Variants in CNTNAP2 observed in about 807,000 individuals in gnomAD.
CNTNAP2 encodes contactin-associated protein-like 2.
In CNTNAP2, 98 loss-of-function variants were observed where a neutral mutation model predicts 155.2. That is an observed-to-expected ratio of 0.63 (90% CI 0.54 to 0.75). CNTNAP2 has a LOEUF of 0.75. Among genes scored for constraint, CNTNAP2 ranks in the 30% least tolerant of loss-of-function variants. CNTNAP2 has a pLI of 0.00. For synonymous variants in CNTNAP2, 651 were observed against 631.2 expected (o/e 1.03, Z -0.47); for missense variants, 1,727 against 1,688.1 (o/e 1.02, Z -0.40).
intron 18 of CNTNAP2, among the ~76,000 whole-genome samples, chr7:148,178,622 G>A (rs1363628774): frequency 2.0e-5 from 3 of 152,228 alleles, no homozygotes; most frequent in Admixed American, 6.5e-5. Flanking sequence ...TTAGATGTCA[G>A]TTTGAATCCA....
intron 3 of CNTNAP2, among the ~76,000 whole-genome samples, chr7:146,850,046 A>G (rs182892481): frequency 1.3e-5 from 2 of 152,320 alleles, no homozygotes; most frequent in African/African-American, 4.8e-5. Context: ...GAGAACTACT[A>G]GAATGTTAAA....
intron 2 of CNTNAP2, among the ~76,000 whole-genome samples, chr7:146,783,261 G>T (rs1262881484): frequency 6.6e-6 from 1 of 152,018 alleles, no homozygotes; most frequent in East Asian, 1.9e-4. Flanking sequence ...ACATTAGGGC[G>T]AATAAAAAGT....
rs1054609729 is a variant in CNTNAP2 at position 146,568,944 on chromosome 7, G to A, written c.98-205327G>A. Among the ~76,000 whole-genome samples, 4 of 151,616 alleles carry A rather than the reference G, an allele frequency of 2.6e-5. 1 individual carries two copies. Among genetic ancestry groups the A allele is most frequent in the Admixed American group, 1.3e-4 (2 of 15,230 alleles). Reference sequence around the variant, plus strand: ...TTATCTATGGGTGTCCCAAAGTCACGCAAATCACAAGTTCCCATCTTGTTT... The same window carrying A: ...TTATCTATGGGTGTCCCAAAGTCACACAAATCACAAGTTCCCATCTTGTTT... On this transcript the variant is annotated intron_variant, in intron 1 of 23. Coordinates refer to ENST00000361727, the MANE Select transcript of CNTNAP2 (RefSeq NM_014141.6).
chr7:146,413,276 A>G (rs1795892507), intron 1 of CNTNAP2, among the ~76,000 whole-genome samples: 1 of 152,154 alleles, frequency 6.6e-6, no homozygotes, highest in Admixed American at 6.5e-5. Flanking sequence ...CGTGAGGGCC[A>G]CTTTCTCAAT....
chr7:148,277,794 GA>G (rs1491545995), intron 21 of CNTNAP2, among the ~76,000 whole-genome samples: 2 of 133,142 alleles, frequency 1.5e-5, no homozygotes, highest in South Asian at 2.5e-4. Context: ...AAAGAAAAAA[GA>G]AAAAAAGAAA....
At chr7:146,686,512 T>G (rs969682113) in intron 1 of CNTNAP2, among the ~76,000 whole-genome samples, 2 of 152,172 alleles carry the variant, frequency 1.3e-5, no homozygotes, top group East Asian at 3.9e-4. Context: ...TACAGACTTA[T>G]GTACTCCTCT....
chr7:148,121,160 G>A lies in CNTNAP2; in HGVS notation c.2554+2872G>A, dbSNP rs187114777. ...AGTGATTCTCCTGCCTCAGCCTCCC[G>A]AGTAGCTGGGATTACAGGGGCCCGC... On this transcript the variant is annotated intron_variant, in intron 16 of 23. Transcript: ENST00000361727. 7.6e-4 allele frequency among the ~76,000 whole-genome samples: 116 copies of A among 151,930 alleles called. No homozygotes were observed. In the East Asian group the frequency reaches 0.019, roughly 25 times the overall value.
intron 11 of CNTNAP2, among the ~76,000 whole-genome samples, chr7:147,489,612 G>A (rs535948001): frequency 5.3e-5 from 8 of 152,218 alleles, no homozygotes; most frequent in Non-Finnish European, 7.4e-5. Context: ...CAAAAGCACT[G>A]TAAGAATGTA....
At chr7:146,521,976 T>C (rs1449494799) in intron 1 of CNTNAP2, among the ~76,000 whole-genome samples, 1 of 150,486 alleles carries the variant, frequency 6.6e-6, no homozygotes, top group Non-Finnish European at 1.5e-5. Flanking sequence ...TCACTGTTTT[T>C]AGTAATAAGA....
chr7:146,677,936 A>G (rs1286279044), intron 1 of CNTNAP2, among the ~76,000 whole-genome samples: 2 of 152,060 alleles, frequency 1.3e-5, no homozygotes, highest in Non-Finnish European at 2.9e-5. Flanking sequence ...CCACGCTCAT[A>G]TCTCTCTGGG....
rs867994088 is a variant in CNTNAP2, at chr7:146,562,909, C to T, written c.98-211362C>T. 3.4e-4 allele frequency among the ~76,000 whole-genome samples: 51 copies of T among 152,040 alleles called. No homozygotes were observed. The Middle Eastern group carries it at 0.01, about 30-fold the overall frequency. ...TTATTATTTAAATATAACATGCAGA[C>T]GCCTAAACTACACAGCAGACACTCT... On this transcript the variant is annotated intron_variant, in intron 1 of 23. Transcript: ENST00000361727.
At chr7:146,287,465 A>G (rs1800355406) in intron 1 of CNTNAP2, among the ~76,000 whole-genome samples, 1 of 152,120 alleles carries the variant, frequency 6.6e-6, no homozygotes, top group Non-Finnish European at 1.5e-5. Flanking sequence ...TTGAAGACAT[A>G]TTATGATTTT....
At chr7:146,481,553 C>G (rs569107208) in intron 1 of CNTNAP2, among the ~76,000 whole-genome samples, 1 of 152,276 alleles carries the variant, frequency 6.6e-6, no homozygotes, top group Non-Finnish European at 1.5e-5. Context: ...TAAATGTATT[C>G]CACCTCCTCA....
rs559995304 is a variant in CNTNAP2, at chr7:147,864,230, A to G, written c.2099-39335A>G. Among the ~76,000 whole-genome samples, 106 of 152,258 alleles carry G rather than the reference A, an allele frequency of 7.0e-4. 1 individual carries two copies. In the South Asian group the frequency reaches 0.021, roughly 31 times the overall value. ...TTTTGTCAGGTTTGTCAAAGATCCA[A>G]TGGTTATAGATGTGTGGTGTTATTT... On this transcript the variant is annotated intron_variant, in intron 13 of 23. Transcript: ENST00000361727.
intron 1 of CNTNAP2, among the ~76,000 whole-genome samples, chr7:146,766,047 T>C (rs1802188977): frequency 6.6e-6 from 1 of 151,888 alleles, no homozygotes; most frequent in African/African-American, 2.4e-5. Flanking sequence ...TTATACTAAA[T>C]AAGAGGGGAA....
intron 1 of CNTNAP2, among the ~76,000 whole-genome samples, chr7:146,276,994 T>C (rs1364688523): frequency 1.3e-5 from 2 of 152,154 alleles, no homozygotes; most frequent in African/African-American, 2.4e-5. Flanking sequence ...AAGTGAAAGA[T>C]TTAAAGATGA....
intron 16 of CNTNAP2, among the ~76,000 whole-genome samples, chr7:148,145,148 C>T (rs957030168): frequency 6.6e-6 from 1 of 152,162 alleles, no homozygotes; most frequent in Non-Finnish European, 1.5e-5. Context: ...AATATTTCTC[C>T]AGCAGAGCCT....
At chr7:147,397,726 G>T (rs1796842990) in intron 10 of CNTNAP2, among the ~76,000 whole-genome samples, 2 of 150,434 alleles carry the variant, frequency 1.3e-5, no homozygotes, top group Non-Finnish European at 1.5e-5. Context: ...GTATAGAAAA[G>T]AAAATACAAG....
At chr7:147,639,584 G>A (rs113574185) in intron 13 of CNTNAP2, among the ~76,000 whole-genome samples, 1 of 152,176 alleles carries the variant, frequency 6.6e-6, no homozygotes, top group Non-Finnish European at 1.5e-5. Context: ...TAGTGGCTGT[G>A]GGACAAAGTT....
Sources: gnomAD v4.1 joint callset for allele counts (sites outside exome capture counted in the v4.1 genomes callset) on GRCh38, gnomAD v4.1.1 for gene constraint, MANE v1.5 for transcripts, NCBI Gene and HGNC (gene_info 2026-07-23, HGNC 2026-07-21) for gene names.